Variants in CCDC3 observed in about 807,000 individuals in gnomAD.
CCDC3 encodes coiled-coil domain containing 3, also known as coiled-coil domain-containing protein 3.
A neutral mutation model predicts 21.4 loss-of-function variants in CCDC3; 24 were observed. The ratio of observed to expected loss-of-function variants is 1.12; its 90% CI spans 0.81 to 1.58. The LOEUF is 1.58. Ranked by LOEUF, CCDC3 falls within the 40% of genes most tolerant of loss-of-function variation. CCDC3 has a pLI of 0.00. For missense variants in CCDC3, 425 were observed against 360.9 expected, an observed-to-expected ratio of 1.18 and a Z score of -1.44; for synonymous variants, 186 against 166.0, an observed-to-expected ratio of 1.12 and a Z score of -0.93.
intron 5 of CCDC3, among the ~76,000 whole-genome samples, chr10:13,047,760 A>G (rs1306689817): frequency 6.6e-6 from 1 of 152,162 alleles, no homozygotes; most frequent in Admixed American, 6.6e-5. Context: ...CAGAGGGACT[A>G]AGGCCTGAGA....
chr10:12,995,628 C>A (rs1311353446), intron 2 of CCDC3, among the ~76,000 whole-genome samples: 1 of 152,162 alleles, frequency 6.6e-6, no homozygotes, highest in Non-Finnish European at 1.5e-5. Flanking sequence ...GGTCTGGAAA[C>A]GTGCAGAGTC....
intron 2 of CCDC3, among the ~76,000 whole-genome samples, chr10:12,939,519 AG>A (rs1239588197): frequency 6.6e-6 from 1 of 152,146 alleles, no homozygotes; most frequent in African/African-American, 2.4e-5. Context: ...GCTACTTGGG[AG>A]GCTGAGGGGG....
At chr10:13,043,272 G>A (rs948717052) in intron 5 of CCDC3, among the ~76,000 whole-genome samples, 2 of 152,046 alleles carry the variant, frequency 1.3e-5, no homozygotes, top group African/African-American at 4.8e-5. Flanking sequence ...TTATGTCCAT[G>A]AGACATAAAG....
intron 2 of CCDC3, among the ~76,000 whole-genome samples, chr10:12,952,829 A>G (rs1488455563): frequency 6.6e-6 from 1 of 152,122 alleles, no homozygotes; most frequent in Non-Finnish European, 1.5e-5. Context: ...GAGTAAATGA[A>G]GTTCTCATCC....
chr10:12,963,671 C>T (rs1261094010), intron 2 of CCDC3, among the ~76,000 whole-genome samples: 1 of 151,522 alleles, frequency 6.6e-6, no homozygotes, highest in Non-Finnish European at 1.5e-5. Context: ...ACCTCCTTCT[C>T]CCGGATTCAA....
At chr10:12,933,487 C>T (rs560608229) in intron 2 of CCDC3, among the ~76,000 whole-genome samples, 34 of 143,166 alleles carry the variant, frequency 2.4e-4, no homozygotes, top group African/African-American at 8.2e-4. Context: ...CAGAGTCTTG[C>T]TCTGTTGCCC....
chr10:12,898,272 G>C lies in CCDC3; in HGVS notation c.*144C>G. ...AGCACCCAAGGGGAAAGCAAGCCTTGCATTTTATCCATTTAGACTCTACCA... is the reference window on the plus strand; with the variant it reads ...AGCACCCAAGGGGAAAGCAAGCCTTCCATTTTATCCATTTAGACTCTACCA... On this transcript the variant is annotated 3_prime_UTR_variant, in exon 3 of 3. Coordinates refer to ENST00000378825, the MANE Select transcript of CCDC3 (RefSeq NM_031455.4). 1 of 953,608 alleles carries C rather than the reference G, an allele frequency of 1.0e-6. No individual in the cohort carries two copies. The allele number at this position is 953,608 out of a possible 1,614,324, so 59.1% of individuals were successfully genotyped here.
At chr10:12,962,143 G>A (rs376809412) in intron 2 of CCDC3, among the ~76,000 whole-genome samples, 3 of 152,126 alleles carry the variant, frequency 2.0e-5, no homozygotes, top group African/African-American at 7.2e-5. Context: ...GGCCTTCTTC[G>A]GCTTCTCTGA....
At chr10:12,938,134 G>C (rs1321409895) in intron 2 of CCDC3, among the ~76,000 whole-genome samples, 1 of 152,134 alleles carries the variant, frequency 6.6e-6, no homozygotes, top group Non-Finnish European at 1.5e-5. Flanking sequence ...TCAGCCTTTA[G>C]GGTTGGAAGG....
chr10:12,938,184 A>G (rs1051399958), intron 2 of CCDC3, among the ~76,000 whole-genome samples: 9 of 152,172 alleles, frequency 5.9e-5, no homozygotes, highest in Middle Eastern at 6.3e-3. Flanking sequence ...GGTATTTCCA[A>G]ACTAACCTCC....
rs148119142 is a variant in CCDC3 at position 12,984,508 on chromosome 10, A to G, written c.549+13830T>C. Among the ~76,000 whole-genome samples the G allele has an allele frequency of 3.8e-4, 58 of 152,358 alleles. 2 individuals are homozygous for G. The East Asian group carries it at 0.011, about 28-fold the overall frequency. On this transcript the variant is annotated intron_variant, in intron 2 of 2. Transcript: ENST00000378825. ...GGAAAACAGTCTGGCTGCTCCTGCA[A>G]AGGCTAAACATAGTTACCATCTGAC...
intron 5 of CCDC3, among the ~76,000 whole-genome samples, chr10:13,020,594 A>T (rs900063833): frequency 6.6e-6 from 1 of 152,340 alleles, no homozygotes; most frequent in South Asian, 2.1e-4. Context: ...GTTTCCATAC[A>T]TAATGGATCA....
At chr10:12,902,270 C>A (rs546867432) in intron 2 of CCDC3, among the ~76,000 whole-genome samples, 1 of 152,312 alleles carries the variant, frequency 6.6e-6, no homozygotes, top group South Asian at 2.1e-4. Flanking sequence ...GCTGCTGTTA[C>A]AGGGGAGACC....
At chr10:12,910,334 T>C (rs1324455445) in intron 2 of CCDC3, among the ~76,000 whole-genome samples, 1 of 152,216 alleles carries the variant, frequency 6.6e-6, no homozygotes, top group Non-Finnish European at 1.5e-5. Context: ...AGAAAAAGCA[T>C]GGTGTATTTG....
In CCDC3 at chr10:13,001,645, G is replaced by T. The variant is rs1835857796; in HGVS notation, c.-75C>A. On this transcript the variant is annotated 5_prime_UTR_variant, in exon 1 of 3. Transcript: ENST00000378825. ...CCGCCGGCCCGGGAAGGGCAGCCCT[G>T]GGCGCTCGGCTGCTCGGGCCGCTCC... 1.3e-5 allele frequency: 13 copies of T among 999,836 alleles called. No homozygotes were observed. Among genetic ancestry groups the T allele is most frequent in the Non-Finnish European group, 1.5e-5 (12 of 827,160 alleles). 61.9% of individuals were successfully genotyped at this position (999,836 alleles called of 1,614,324 possible).
chr10:12,998,596 C>T lies in CCDC3; in HGVS notation c.375-84G>A, dbSNP rs1255448128. On this transcript the variant is annotated intron_variant, in intron 1 of 2. Transcript: ENST00000378825. ...AATCCAGAGTCACAGACAACTGCAACGGGCTTGCCAATTTCACATCAATGT... is the reference window on the plus strand; with the variant it reads ...AATCCAGAGTCACAGACAACTGCAATGGGCTTGCCAATTTCACATCAATGT... 16 of 1,289,660 alleles carry T rather than the reference C, an allele frequency of 1.2e-5. 1 individual carries two copies. The highest frequency in any genetic ancestry group is 7.0e-5 in the South Asian group (5 of 71,092). The allele number at this position is 1,289,660 out of a possible 1,614,324, so 79.9% of individuals were successfully genotyped here.
chr10:12,935,789 T>C (rs535096314), intron 2 of CCDC3, among the ~76,000 whole-genome samples: 1 of 152,124 alleles, frequency 6.6e-6, no homozygotes, highest in South Asian at 2.1e-4. Context: ...CCTCAACCTC[T>C]AGAGTATCTG....
At chr10:13,067,600 C>T (rs77586195) in intron 4 of CCDC3, among the ~76,000 whole-genome samples, 2,086 of 152,250 alleles carry the variant, frequency 0.014, 49 homozygotes, top group African/African-American at 0.047. Flanking sequence ...GACCTGTAAC[C>T]ACGTGGCAAC....
At chr10:13,014,916 G>C (rs185043782) in intron 5 of CCDC3, among the ~76,000 whole-genome samples, 179 of 152,186 alleles carry the variant, frequency 1.2e-3, no homozygotes, top group African/African-American at 3.9e-3. Context: ...CATATCAGGA[G>C]AATAAAACAA....
Sources: gnomAD v4.1 joint callset for allele counts (sites outside exome capture counted in the v4.1 genomes callset) on GRCh38, gnomAD v4.1.1 for gene constraint, MANE v1.5 for transcripts, NCBI Gene and HGNC (gene_info 2026-07-23, HGNC 2026-07-21) for gene names.